MYH7B: variants seen among roughly 807,000 people sequenced by gnomAD.
MYH7B encodes the protein myosin heavy chain 7B, also known as myosin-7B.
MYH7B carries 205 observed loss-of-function variants against 234.5 expected under a neutral mutation model. The ratio of observed to expected loss-of-function variants is 0.87; its 90% CI spans 0.78 to 0.98. MYH7B has a LOEUF of 0.98. Among genes scored for constraint, MYH7B ranks in the 50% least tolerant of loss-of-function variants. The pLI, the probability that MYH7B is intolerant of heterozygous loss-of-function variation, is 0.00. For missense variants in MYH7B, 2,652 were observed against 2,633.4 expected (o/e 1.01, Z -0.15); for synonymous variants, 1,193 against 1,105.0 (o/e 1.08, Z -1.58).
chr20:34,978,901 C>T (rs80105040), intron 5 of MYH7B, among the ~76,000 whole-genome samples: 2 of 152,152 alleles, frequency 1.3e-5, no homozygotes, highest in African/African-American at 2.4e-5. Flanking sequence ...ACCATGAAAT[C>T]TGGGCTCCTC....
chr20:34,993,463 G>T lies in MYH7B; in HGVS notation c.2437G>T (p.Gly813Ter). The change falls in exon 26 of 45, where the codon GGA becomes TGA. Residue 813 changes from glycine to a stop codon, truncating the protein, a stop_gained. Coordinates refer to ENST00000262873, the Ensembl canonical transcript of MYH7B. LOFTEE classifies it high-confidence loss of function. ...GCGCCTTGAGTACCAGCGCCTGCTG[G>T]GAGGCAGGTGGGTGTGGGAAGGAGG... The T allele has an allele frequency of 6.3e-7, 1 of 1,597,222 alleles. No individual in the cohort carries two copies.
chr20:34,982,307 T>G (rs1300510790), intron 9 of MYH7B, 152 bp from the exon 10 acceptor site: 6 of 669,418 alleles, frequency 9.0e-6, no homozygotes, highest in Non-Finnish European at 1.6e-5. Flanking sequence ...TACACTGGCT[T>G]GCTTTGTACA....
intron 13 of MYH7B, 91 bp from the exon 14 acceptor site, chr20:34,986,009 C>T: frequency 1.8e-6 from 2 of 1,140,552 alleles, no homozygotes; most frequent in South Asian, 1.3e-5. Context: ...CTGCACACTC[C>T]CTGCCCACCT....
intron 16 of MYH7B, 96 bp from the exon 17 acceptor site, chr20:34,987,459 CCT>C (rs1231164501): frequency 1.4e-6 from 2 of 1,410,216 alleles, no homozygotes; most frequent in Non-Finnish European, 2.0e-6. Flanking sequence ...GAACTTGACC[CCT>C]CTTAACTTCC....
rs771822807 is a variant in MYH7B at position 34,986,084 on chromosome 20, C to T, written c.806-16C>T. 11 of 1,561,282 alleles carry T rather than the reference C, an allele frequency of 7.0e-6. No homozygotes were observed. Among genetic ancestry groups the T allele is most frequent in the East Asian group, 2.4e-5 (1 of 42,322 alleles). ...GGAGGTGTGGGAGATGGCAGGCCAG[C>T]GTCCCTTCTCCCCAGATCTCCTGGA... On this transcript the variant is annotated splice_polypyrimidine_tract_variant and intron_variant, in intron 13 of 44. Coordinates refer to ENST00000262873, the Ensembl canonical transcript of MYH7B.
intron 22 of MYH7B, 168 bp from the exon 23 acceptor site, chr20:34,990,570 G>C: frequency 3.9e-6 from 3 of 776,510 alleles, no homozygotes; most frequent in Non-Finnish European, 6.8e-6. Context: ...AGACTTTGGT[G>C]GTGGTGATGG....
chr20:34,982,269 C>T (rs1388173882), intron 9 of MYH7B, among the ~76,000 whole-genome samples, 190 bp from the exon 10 acceptor site: 3 of 151,966 alleles, frequency 2.0e-5, no homozygotes, highest in Non-Finnish European at 2.9e-5. Flanking sequence ...ATGGCATCAT[C>T]GTGTGTTGTC....
In MYH7B at chr20:34,991,108, G is replaced by A. The variant is rs779718516; in HGVS notation, c.2170G>A (p.Asp724Asn). Residue 724 changes from aspartate (D) to asparagine (N), a missense_variant, in exon 24 of 45, where the codon GAC becomes AAC. By Grantham distance (23) the Asp-to-Asn change is conservative (BLOSUM62 1). Transcript: ENST00000262873. ...GTTCCCCAACAGGTTGCTCTACACC[G>A]ACTTCCGGCAGCGGTGGGTGACCCC... The A allele has an allele frequency of 6.2e-6, 10 of 1,609,382 alleles. No homozygotes were observed. Among genetic ancestry groups the A allele is most frequent in the Non-Finnish European group, 7.6e-6 (9 of 1,177,596 alleles).
intron 2 of MYH7B, among the ~76,000 whole-genome samples, chr20:34,960,932 C>T (rs2081691006): frequency 1.3e-5 from 2 of 152,208 alleles, no homozygotes; most frequent in Admixed American, 1.3e-4. Flanking sequence ...AAGAAACAGA[C>T]TAATTGAAGT....
At position 35,001,434 on chromosome 20, in the gene MYH7B, G is replaced by A. The variant is rs376266504; in HGVS notation, c.5584G>A (p.Glu1862Lys). 169 of 1,599,578 alleles carry A rather than the reference G, an allele frequency of 1.1e-4. No homozygotes were observed. The highest frequency in any genetic ancestry group is 1.4e-4 in the Non-Finnish European group (161 of 1,173,444). The change falls in exon 43 of 45, where the codon GAG (glutamate) becomes AAG (lysine). Residue 1862 changes from glutamate to lysine, a missense_variant. By Grantham distance (56) the Glu-to-Lys change is moderately conservative (BLOSUM62 1). Around this residue, in one of 3 missense-constraint regions of MYH7B, gnomAD observed 2,279 missense variants for 2,211.4 expected, o/e 1.03. Coordinates refer to ENST00000262873, the Ensembl canonical transcript of MYH7B. ...TGAGTCCCCCTTGCCCGCCCAGGCC[G>A]AGGAGGACAGGAAGAACCTGGCTCG...
Position 35,000,562 on chromosome 20 carries a change from G to A in MYH7B, c.5051G>A (p.Arg1684Gln), listed in dbSNP as rs751116844. 2.9e-5 allele frequency: 46 copies of A among 1,572,592 alleles called. No individual in the cohort carries two copies. The highest frequency in any genetic ancestry group is 1.2e-4 in the African/African-American group (9 of 74,194). The change falls in exon 39 of 45, where the codon CGG becomes CAG. Residue 1684 changes from arginine to glutamine, a missense_variant. This residue lies in a region of MYH7B where 2,279 missense variants were observed against 2,211.4 expected (regional missense o/e 1.03). Coordinates refer to ENST00000262873, the Ensembl canonical transcript of MYH7B. ...GAGCAGGCGCAGGCTCTGGAGCGCC[G>A]GGCCTCGCTGCTGGCTGCGGAGCTG...
In MYH7B at chr20:34,979,866, G is replaced by A. The variant is rs533566631; in HGVS notation, c.342+62G>A. On this transcript the variant is annotated intron_variant, in intron 7 of 44. Coordinates refer to ENST00000262873, the Ensembl canonical transcript of MYH7B. ...TTGTATGTGGGGCGGGGCTAGAGAT[G>A]AGGTGCTGGGGGCGGGCCCATAGCG... 98 of 1,566,026 alleles carry A rather than the reference G, an allele frequency of 6.3e-5. No homozygotes were observed. In the South Asian group the frequency reaches 1.0e-3, roughly 16 times the overall value.
At chr20:34,987,431 G>A in intron 16 of MYH7B, 126 bp from the exon 17 acceptor site, 1 of 1,411,388 alleles carries the variant, frequency 7.1e-7, no homozygotes, top group Non-Finnish European at 9.7e-7. Context: ...CCCTCCTGAG[G>A]CTTTGTTTGC....
chr20:34,975,629 G>T (rs1373750750), intron 3 of MYH7B, 130 bp downstream of exon 3: 3 of 608,674 alleles, frequency 4.9e-6, no homozygotes, highest in Non-Finnish European at 9.1e-6. Context: ...GAGGGGACCC[G>T]CGTCATTTCC....
At chr20:34,968,022 C>T (rs374063455) in intron 2 of MYH7B, among the ~76,000 whole-genome samples, 7 of 152,260 alleles carry the variant, frequency 4.6e-5, no homozygotes, top group Non-Finnish European at 8.8e-5. Context: ...CACAGAGCCA[C>T]AGCTGCATCC....
chr20:34,999,750 T>TCTCCC, intron 37 of MYH7B, 41 bp from the exon 38 acceptor site: 1 of 1,320,534 alleles, frequency 7.6e-7, no homozygotes, highest in Admixed American at 2.0e-5. Flanking sequence ...CCACTGGCCA[T>TCTCCC]CCCCCCCCCC....
At position 34,989,576 on chromosome 20, in the gene MYH7B, G is replaced by C. The variant is rs149279264; in HGVS notation, c.1588-164G>C. On this transcript the variant is annotated intron_variant, in intron 19 of 44. Coordinates refer to ENST00000262873, the Ensembl canonical transcript of MYH7B. Reference sequence around the variant, plus strand: ...AGCCACAAACTTTTCTCTGTTAGGAGATGGGTTCTTGGAGTGGGTGTGGTG... The same window carrying C: ...AGCCACAAACTTTTCTCTGTTAGGACATGGGTTCTTGGAGTGGGTGTGGTG... Among the ~76,000 whole-genome samples the C allele has an allele frequency of 2.6e-5, 4 of 152,354 alleles. No individual in the cohort carries two copies. In the East Asian group the frequency reaches 7.7e-4, roughly 29 times the overall value.
At chr20:34,988,352 G>GC in intron 19 of MYH7B, 90 bp downstream of exon 19, 1 of 1,418,314 alleles carries the variant, frequency 7.1e-7, no homozygotes, top group Non-Finnish European at 9.6e-7. Flanking sequence ...ATGGAAGCCT[G>GC]CAAGTGTGCA....
chr20:34,971,049 G>A (rs2081789156), intron 2 of MYH7B, among the ~76,000 whole-genome samples: 1 of 152,164 alleles, frequency 6.6e-6, no homozygotes, highest in African/African-American at 2.4e-5. Context: ...CAGAACAGCT[G>A]TTCATGTTAA....
Sources: allele counts gnomAD v4.1 joint callset (sites outside exome capture counted in the v4.1 genomes callset), GRCh38; gene constraint gnomAD v4.1.1; regional missense constraint gnomAD v4.1.1; transcripts MANE v1.5; gene names NCBI Gene and HGNC (gene_info 2026-07-23, HGNC 2026-07-21).